GTF2F2: variants seen among roughly 807,000 people sequenced by gnomAD.
GTF2F2 encodes general transcription factor IIF subunit 2.
In GTF2F2, 23 loss-of-function variants were observed where a neutral mutation model predicts 42.2. The observed-to-expected ratio is 0.55, with a 90% CI of 0.39 to 0.77. The LOEUF (loss-of-function observed/expected upper bound fraction) is 0.77, where lower values mean the gene tolerates loss of function less well. GTF2F2 is among the 30% of genes least tolerant of loss of function. GTF2F2 has a pLI of 0.00. For missense variants in GTF2F2, 261 were observed against 287.2 expected (o/e 0.91, Z 0.66); for synonymous variants, 105 against 100.8 (o/e 1.04, Z -0.25).
intron 6 of GTF2F2, among the ~76,000 whole-genome samples, chr13:45,254,799 C>G (rs994855686): frequency 6.6e-6 from 1 of 152,154 alleles, no homozygotes; most frequent in Non-Finnish European, 1.5e-5. Context: ...TAGCAATTAA[C>G]AGTTGGAATT....
In GTF2F2 at chr13:45,191,225, ATATAT is replaced by A. The variant is rs1252573181; in HGVS notation, c.305-16198_305-16194del. 1.1e-3 allele frequency among the ~76,000 whole-genome samples: 69 copies of A among 60,354 alleles called. 4 individuals are homozygous for A. The highest frequency in any genetic ancestry group is 4.9e-3 in the African/African-American group (64 of 13,078). The allele number at this position is 60,354 out of a possible 152,430, so 39.6% of individuals were successfully genotyped here. A position where few individuals can be genotyped will look rare whatever the true frequency, so the allele number is the denominator to read the frequency against. ...TCTCTACTAAAAATACAAAAAAAAAATATATATATATATATATATATATATATATA... is the reference window on the plus strand; with the variant it reads ...TCTCTACTAAAAATACAAAAAAAAAAATATATATATATATATATATATATA... On this transcript the variant is annotated intron_variant, in intron 4 of 7. Coordinates refer to ENST00000340473, the MANE Select transcript of GTF2F2 (RefSeq NM_004128.3).
chr13:45,179,518 C>T (rs1872045118), intron 4 of GTF2F2, among the ~76,000 whole-genome samples: 3 of 152,152 alleles, frequency 2.0e-5, no homozygotes, highest in Non-Finnish European at 2.9e-5. Context: ...TATCACTGCC[C>T]TGAAGGTATA....
At chr13:45,196,895 A>G (rs1872922253) in intron 4 of GTF2F2, among the ~76,000 whole-genome samples, 1 of 152,020 alleles carries the variant, frequency 6.6e-6, no homozygotes, top group African/African-American at 2.4e-5. Flanking sequence ...CCCCAGGGCC[A>G]CCTTACACTT....
intron 4 of GTF2F2, among the ~76,000 whole-genome samples, chr13:45,180,015 A>G (rs1872072344): frequency 6.6e-6 from 1 of 152,092 alleles, no homozygotes; most frequent in Non-Finnish European, 1.5e-5. Flanking sequence ...TCTTTTTTAA[A>G]AACTCCATGT....
At chr13:45,191,220 A>ATATATATATAT (rs1555267754) in intron 4 of GTF2F2, among the ~76,000 whole-genome samples, 5 of 75,210 alleles carry the variant, frequency 6.6e-5, no homozygotes, top group South Asian at 7.2e-4. Flanking sequence ...AAATACAAAA[A>ATATATATATAT]AAAAATATAT....
At chr13:45,223,262 T>A (rs376524657) in intron 5 of GTF2F2, among the ~76,000 whole-genome samples, 2,521 of 96,352 alleles carry the variant, frequency 0.026, no homozygotes, top group Non-Finnish European at 0.038. Context: ...CTTGTCTCAA[T>A]AAAAAAAAAA....
chr13:45,151,857 G>A (rs746603691), intron 4 of GTF2F2, 26 bp downstream of exon 4: 2 of 1,070,850 alleles, frequency 1.9e-6, no homozygotes, highest in East Asian at 3.4e-5. Flanking sequence ...ATTATTTAAT[G>A]TGATTCCTGT....
At chr13:45,211,627 G>C (rs1217573916) in intron 5 of GTF2F2, among the ~76,000 whole-genome samples, 6 of 143,850 alleles carry the variant, frequency 4.2e-5, no homozygotes, top group Non-Finnish European at 7.5e-5. Context: ...TGCTCTCGTT[G>C]CCCAGGCTAG....
At chr13:45,136,905 GGAAAA>G in intron 2 of GTF2F2, 99 bp downstream of exon 2, 1 of 725,940 alleles carries the variant, frequency 1.4e-6, no homozygotes, top group Non-Finnish European at 2.4e-6. Flanking sequence ...GAGTTTACTT[GGAAAA>G]TGACAAGTAA....
intron 2 of GTF2F2, among the ~76,000 whole-genome samples, chr13:45,144,263 A>AG (rs199941383): frequency 0.012 from 1,809 of 152,106 alleles, 30 homozygotes; most frequent in African/African-American, 0.037. Context: ...CAAAAAAAAA[A>AG]TTAGTTTATA....
chr13:45,266,781 C>G (rs956423687), intron 6 of GTF2F2, among the ~76,000 whole-genome samples: 3 of 152,182 alleles, frequency 2.0e-5, no homozygotes, highest in African/African-American at 7.2e-5. Flanking sequence ...AGTAACAGGT[C>G]CCAGGTTCTG....
chr13:45,233,676 G>A (rs758042238), intron 5 of GTF2F2, among the ~76,000 whole-genome samples: 3 of 152,172 alleles, frequency 2.0e-5, no homozygotes, highest in Admixed American at 1.3e-4. Context: ...CACTTTGGGA[G>A]GCCAAGGCAG....
At chr13:45,227,924 A>G (rs1874444828) in intron 5 of GTF2F2, among the ~76,000 whole-genome samples, 1 of 152,194 alleles carries the variant, frequency 6.6e-6, no homozygotes, top group African/African-American at 2.4e-5. Flanking sequence ...CATACAAAGA[A>G]GGGGGACTGA....
chr13:45,186,061 G>A (rs1229957356), intron 4 of GTF2F2, among the ~76,000 whole-genome samples: 14 of 151,560 alleles, frequency 9.2e-5, no homozygotes, highest in South Asian at 2.1e-4. Context: ...TGCAACCTCT[G>A]CCTCCTGGGT....
At chr13:45,186,344 T>G (rs1226054850) in intron 4 of GTF2F2, among the ~76,000 whole-genome samples, 1 of 148,784 alleles carries the variant, frequency 6.7e-6, no homozygotes, top group East Asian at 2.0e-4. Context: ...CAAACTGGAG[T>G]GTAATAGCTC....
chr13:45,255,150 G>C (rs1044416459), intron 6 of GTF2F2, among the ~76,000 whole-genome samples: 2 of 117,728 alleles, frequency 1.7e-5, no homozygotes, highest in African/African-American at 6.9e-5. Flanking sequence ...TGGGGGACAA[G>C]AGTGAGACTT....
At chr13:45,190,654 T>C (rs745866401) in intron 4 of GTF2F2, among the ~76,000 whole-genome samples, 26 of 152,240 alleles carry the variant, frequency 1.7e-4, no homozygotes, top group Non-Finnish European at 7.3e-5. Context: ...TAGCATGGTA[T>C]CCGGCATATA....
chr13:45,176,816 T>C (rs1256334282), intron 4 of GTF2F2, among the ~76,000 whole-genome samples: 1 of 151,940 alleles, frequency 6.6e-6, no homozygotes, highest in Non-Finnish European at 1.5e-5. Flanking sequence ...GGGGGGACGG[T>C]CTCGCTCCAC....
At chr13:45,215,488 G>A (rs1336059392) in intron 5 of GTF2F2, among the ~76,000 whole-genome samples, 1 of 152,178 alleles carries the variant, frequency 6.6e-6, no homozygotes, top group Non-Finnish European at 1.5e-5. Flanking sequence ...AGCCGGGCGT[G>A]ATGGCTCATG....
Sources: gnomAD v4.1 joint callset for allele counts (sites outside exome capture counted in the v4.1 genomes callset) on GRCh38, gnomAD v4.1.1 for gene constraint, MANE v1.5 for transcripts, NCBI Gene and HGNC (gene_info 2026-07-23, HGNC 2026-07-21) for gene names.